SYT9: variants seen among roughly 807,000 people sequenced by gnomAD.
The protein encoded by SYT9 is synaptotagmin 9.
In SYT9, 22 loss-of-function variants were observed where a neutral mutation model predicts 48.4. The observed-to-expected ratio is 0.45, with a 90% CI of 0.32 to 0.65. The LOEUF is 0.65. Ranked by LOEUF, SYT9 falls within the 30% of genes least tolerant of loss-of-function variation. The pLI is 0.03. For missense variants in SYT9, 577 were observed against 622.0 expected (o/e 0.93, Z 0.77); for synonymous variants, 265 against 245.0 (o/e 1.08, Z -0.76).
chr11:7,251,870 C>T (rs532925266), upstream of SYT9: 349 of 254,006 alleles, frequency 1.4e-3, no homozygotes, highest in Middle Eastern at 6.9e-3. Context: ...CCCCCGGCGG[C>T]CGCGAGTAGC....
intron 6 of SYT9, among the ~76,000 whole-genome samples, chr11:7,426,242 A>G (rs767178466): frequency 1.4e-4 from 22 of 151,944 alleles, no homozygotes; most frequent in Admixed American, 3.3e-4. Context: ...TGGGCATCAG[A>G]CTTCATCATC....
chr11:7,439,457 A>G, intron 6 of SYT9: 1 of 152,478 alleles, frequency 6.6e-6, no homozygotes, highest in Non-Finnish European at 1.5e-5. Flanking sequence ...GAACTCAGGA[A>G]CACTGGGACA....
At chr11:7,367,144 C>G (rs1463713371) in intron 3 of SYT9, among the ~76,000 whole-genome samples, 2 of 132,498 alleles carry the variant, frequency 1.5e-5, no homozygotes, top group African/African-American at 5.7e-5. Context: ...TGCAGTGGCG[C>G]AATCTCGGCT....
At chr11:7,317,462 C>G (rs1849262921) in intron 3 of SYT9, among the ~76,000 whole-genome samples, 1 of 152,158 alleles carries the variant, frequency 6.6e-6, no homozygotes, top group East Asian at 1.9e-4. Context: ...TCTCACTGTG[C>G]CCTCATGTGA....
At chr11:7,385,369 T>TGTGC (rs1554916984) in intron 3 of SYT9, among the ~76,000 whole-genome samples, 2,718 of 147,986 alleles carry the variant, frequency 0.018, 80 homozygotes, top group East Asian at 0.09. Flanking sequence ...TGTGTGTGTG[T>TGTGC]GCGTGTGTGT....
chr11:7,283,518 C>A (rs114733802), intron 1 of SYT9, among the ~76,000 whole-genome samples: 5,367 of 151,970 alleles, frequency 0.035, 166 homozygotes, highest in African/African-American at 0.084. Context: ...GACCCATATT[C>A]AAAGAAAAGA....
At chr11:7,281,226 T>C (rs968630106) in intron 1 of SYT9, among the ~76,000 whole-genome samples, 38 of 152,362 alleles carry the variant, frequency 2.5e-4, no homozygotes, top group African/African-American at 8.7e-4. Context: ...CTGACAAATG[T>C]GTCCTGCCCC....
intron 3 of SYT9, among the ~76,000 whole-genome samples, chr11:7,364,686 C>A (rs1564877628): frequency 6.6e-6 from 1 of 152,130 alleles, no homozygotes; most frequent in African/African-American, 2.4e-5. Flanking sequence ...TCTTCATTGG[C>A]CTTATTACAG....
intron 1 of SYT9, among the ~76,000 whole-genome samples, chr11:7,288,653 C>G (rs1554901120): frequency 1.3e-5 from 2 of 150,740 alleles, no homozygotes; most frequent in African/African-American, 2.5e-5. Context: ...TGTCTTTCAT[C>G]TGAGCCTACT....
At chr11:7,332,175 C>G (rs1156280700) in intron 3 of SYT9, among the ~76,000 whole-genome samples, 8 of 152,158 alleles carry the variant, frequency 5.3e-5, no homozygotes, top group Non-Finnish European at 1.5e-5. Context: ...CAGCTAAAGC[C>G]TTTCCTGAGC....
chr11:7,241,237 C>T (rs1042123714), intron 1 of SYT9, among the ~76,000 whole-genome samples: 4 of 146,542 alleles, frequency 2.7e-5, no homozygotes, highest in Admixed American at 6.7e-5. Context: ...CACACACACA[C>T]GCACACACTC....
chr11:7,347,519 G>A (rs753767667), intron 3 of SYT9, among the ~76,000 whole-genome samples: 2 of 152,174 alleles, frequency 1.3e-5, no homozygotes, highest in Non-Finnish European at 1.5e-5. Flanking sequence ...AGAGATGTGA[G>A]CCACTGCGCC....
At chr11:7,349,100 G>A (rs1032423900) in intron 3 of SYT9, among the ~76,000 whole-genome samples, 1 of 151,936 alleles carries the variant, frequency 6.6e-6, no homozygotes, top group African/African-American at 2.4e-5. Flanking sequence ...AGGTAGGTTT[G>A]GAATAGGAGA....
At chr11:7,247,585 A>ACG (rs1847807610), upstream of SYT9, among the ~76,000 whole-genome samples, 2 of 147,836 alleles carry the variant, frequency 1.4e-5, no homozygotes, top group African/African-American at 2.5e-5. Context: ...ATACATATAT[A>ACG]TGTGTATATA....
intron 3 of SYT9, among the ~76,000 whole-genome samples, chr11:7,367,968 A>G (rs904934036): frequency 6.6e-6 from 1 of 152,212 alleles, no homozygotes; most frequent in South Asian, 2.1e-4. Flanking sequence ...TGAGGCACAT[A>G]CTGTTATAAC....
At chr11:7,257,788 T>C (rs539480596) in intron 1 of SYT9, among the ~76,000 whole-genome samples, 5 of 152,266 alleles carry the variant, frequency 3.3e-5, no homozygotes, top group Admixed American at 3.3e-4. Context: ...TCGGTGACAT[T>C]TCAGGGCTCC....
chr11:7,238,918 T>C (rs1005988034), intron 1 of SYT9: 1 of 455,834 alleles, frequency 2.2e-6, no homozygotes, highest in Non-Finnish European at 4.4e-6. Context: ...GAGGCAGAGG[T>C]AAAGTTGCTA....
chr11:7,302,366 C>T (rs1848937975), intron 1 of SYT9, among the ~76,000 whole-genome samples: 1 of 152,124 alleles, frequency 6.6e-6, no homozygotes, highest in African/African-American at 2.4e-5. Flanking sequence ...GTGTTTCCTT[C>T]TCCTTCTAAA....
intron 2 of SYT9, among the ~76,000 whole-genome samples, chr11:7,305,279 T>C (rs149091888): frequency 6.6e-6 from 1 of 152,322 alleles, no homozygotes; most frequent in East Asian, 1.9e-4. Context: ...AGTTTAGCAA[T>C]ATCTGAACTA....
Sources: allele counts gnomAD v4.1 joint callset (sites outside exome capture counted in the v4.1 genomes callset), GRCh38; gene constraint gnomAD v4.1.1; transcripts MANE v1.5; gene names NCBI Gene and HGNC (gene_info 2026-07-23, HGNC 2026-07-21).